Variants in UTP6 observed in about 807,000 individuals in gnomAD.
UTP6 encodes U3 small nucleolar RNA-associated protein 6 homolog.
Under a neutral mutation model 96.5 loss-of-function variants are expected in UTP6, and 60 were observed. The ratio of observed to expected loss-of-function variants is 0.62; its 90% CI spans 0.51 to 0.77. The LOEUF (loss-of-function observed/expected upper bound fraction) is 0.77, where lower values mean the gene tolerates loss of function less well. UTP6 is among the 30% of genes least tolerant of loss of function. The pLI is 0.00. For missense variants in UTP6, 637 were observed against 706.5 expected (o/e 0.90, Z 1.12); for synonymous variants, 215 against 240.1 (o/e 0.90, Z 0.96).
chr17:31,874,103 T>C, intron 14 of UTP6: 1 of 228,214 alleles, frequency 4.4e-6, no homozygotes, highest in South Asian at 6.8e-5. Flanking sequence ...TCATCAATCA[T>C]CTTTTAGTTA....
chr17:31,889,179 C>G (rs556290034), intron 7 of UTP6, 106 bp downstream of exon 7: 9 of 754,442 alleles, frequency 1.2e-5, no homozygotes, highest in South Asian at 2.2e-5. Context: ...CCCAGCTACT[C>G]GGGAGGCTGA....
intron 2 of UTP6, among the ~76,000 whole-genome samples, chr17:31,896,052 T>C (rs2142325155): frequency 6.6e-6 from 1 of 151,276 alleles, no homozygotes; most frequent in South Asian, 2.1e-4. Context: ...ATAATGAATA[T>C]AAAGCAGTCC....
intron 13 of UTP6, 37 bp from the exon 14 acceptor site, chr17:31,875,450 T>C: frequency 6.3e-7 from 1 of 1,599,254 alleles, no homozygotes; most frequent in Non-Finnish European, 8.5e-7. Flanking sequence ...AATTAATTAC[T>C]GAAACCCAAA....
chr17:31,897,975 T>G (rs754920037), intron 2 of UTP6, among the ~76,000 whole-genome samples: 2 of 151,998 alleles, frequency 1.3e-5, no homozygotes, highest in African/African-American at 2.4e-5. Flanking sequence ...TTCTCTACAC[T>G]CATCACATTC....
chr17:31,901,370 A>G, intron 1 of UTP6, 166 bp downstream of exon 1: 2 of 647,562 alleles, frequency 3.1e-6, no homozygotes, highest in Non-Finnish European at 5.4e-6. Context: ...TTACCTTGCA[A>G]CGAATGAAAA....
intron 10 of UTP6, 25 bp downstream of exon 10, chr17:31,884,399 T>G (rs757531585): frequency 1.3e-6 from 2 of 1,555,442 alleles, no homozygotes. Flanking sequence ...ATAGATATAT[T>G]CACCTTTCTA....
rs1410112671 is a variant in UTP6, at chr17:31,860,920, A to G, written c.*2439T>C. On this transcript the variant is annotated 3_prime_UTR_variant, in exon 19 of 19. Transcript: ENST00000261708. ...AGACTCTAATACTCATAGAAATTTA[A>G]TATATAATAAAGGTAACATCACAAA... 1 of 152,140 alleles carries G rather than the reference A, an allele frequency of 6.6e-6. No homozygotes were observed. The highest frequency in any genetic ancestry group is 1.5e-5 in the Non-Finnish European group (1 of 68,032). 9.4% of individuals were successfully genotyped at this position (152,140 alleles called of 1,614,324 possible). A position where few individuals can be genotyped will look rare whatever the true frequency, so the allele number is the denominator to read the frequency against.
intron 4 of UTP6, among the ~76,000 whole-genome samples, chr17:31,893,793 A>C (rs1598117920): frequency 6.6e-6 from 1 of 151,030 alleles, no homozygotes. Flanking sequence ...CTCTCATCCT[A>C]TCTGGCTCTT....
Position 31,886,060 on chromosome 17 carries a change from TC to T in UTP6, c.622del (p.Glu208ArgfsTer23). 1 of 1,611,790 alleles carries T rather than the reference TC, an allele frequency of 6.2e-7. No homozygotes were observed. The highest frequency in any genetic ancestry group is 8.5e-7 in the Non-Finnish European group (1 of 1,179,530). ...GATTTCTTCAGAATAATCAGGATTC[TC>T]CTAAAGAGTGTTATATCAAACGTAA... Reference protein sequence around the residue: ...EEFEKASMDVENPDYSEEILK... With the variant: ...EEFEKASMDVXNPDYSEEILK... On this transcript the variant is annotated frameshift_variant and splice_region_variant, in exon 9 of 19. Transcript: ENST00000261708. LOFTEE classifies it high-confidence loss of function.
chr17:31,868,325 GTTTTTTTT>G (rs33960994), intron 16 of UTP6, among the ~76,000 whole-genome samples: 1 of 90,504 alleles, frequency 1.1e-5, no homozygotes, highest in Admixed American at 1.5e-4. Flanking sequence ...TAGTTTTTTG[GTTTTTTTT>G]TTTTTTTTTT....
chr17:31,877,830 G>A (rs1373751098), intron 13 of UTP6, among the ~76,000 whole-genome samples: 1 of 152,002 alleles, frequency 6.6e-6, no homozygotes, highest in Non-Finnish European at 1.5e-5. Flanking sequence ...AGCTGGGCGT[G>A]GTGGCATGCA....
In UTP6 at chr17:31,880,714, A is replaced by G. The variant is rs1910782568; in HGVS notation, c.826T>C (p.Tyr276His). 6.2e-7 allele frequency: 1 copy of G among 1,614,156 alleles called. No homozygotes were observed. The highest frequency in any genetic ancestry group is 8.5e-7 in the Non-Finnish European group (1 of 1,180,022). Residue 276 changes from tyrosine to histidine, a missense_variant, in exon 11 of 19, where the codon TAT becomes CAT. Coordinates refer to ENST00000261708, the MANE Select transcript of UTP6 (RefSeq NM_018428.3). ...ATCTCTAATTCTCGCCTTGCCACAT[A>G]ATCCCAAGTGAGAGGATCATCTGTG... ...LHTDDPLTWD[Y>H]VARRELEIES...
rs1234905578 is a variant in UTP6 at position 31,894,896 on chromosome 17, C to T, written c.219+74G>A. ...AGTTTTATCAACACTGTCTCCCAAA[C>T]ACAAGTCCTAACTATACAGCCATAC... On this transcript the variant is annotated intron_variant, in intron 3 of 18. Coordinates refer to ENST00000261708, the MANE Select transcript of UTP6 (RefSeq NM_018428.3). 3.6e-6 allele frequency: 5 copies of T among 1,389,744 alleles called. 1 individual carries two copies. In the East Asian group the frequency reaches 1.2e-4, roughly 33 times the overall value. 86.1% of individuals were successfully genotyped at this position (1,389,744 alleles called of 1,614,324 possible).
In UTP6 at chr17:31,861,880, A is replaced by G. The variant is rs1909571815; in HGVS notation, c.*1479T>C. ...CATATCAGTATTCTCTAAAAGCAGT[A>G]TCCTTTGATCCAGTAATTCCACTGT... On this transcript the variant is annotated 3_prime_UTR_variant, in exon 19 of 19. Coordinates refer to ENST00000261708, the MANE Select transcript of UTP6 (RefSeq NM_018428.3). 6.6e-6 allele frequency: 1 copy of G among 152,238 alleles called. No homozygotes were observed. Among genetic ancestry groups the G allele is most frequent in the Admixed American group, 6.5e-5 (1 of 15,276 alleles). 9.4% of individuals were successfully genotyped at this position (152,238 alleles called of 1,614,324 possible). A position where few individuals can be genotyped will look rare whatever the true frequency, so the allele number is the denominator to read the frequency against.
At chr17:31,887,132 GAAAAA>G (rs967334491) in intron 8 of UTP6, 99 bp downstream of exon 8, 17 of 1,060,034 alleles carry the variant, frequency 1.6e-5, no homozygotes, top group Non-Finnish European at 2.2e-5. Flanking sequence ...CAAAAAAAAA[GAAAAA>G]AAAAGAAAAA....
Position 31,876,995 on chromosome 17 carries a change from G to T in UTP6, c.1125+1255C>A, listed in dbSNP as rs576644457. On this transcript the variant is annotated intron_variant, in intron 13 of 18. Transcript: ENST00000261708. ...CCACTACACTCCAGGCTGGGTGACAGAGCAAGACTCTGTCTCCAAAAAAAT... is the reference window on the plus strand; with the variant it reads ...CCACTACACTCCAGGCTGGGTGACATAGCAAGACTCTGTCTCCAAAAAAAT... Among the ~76,000 whole-genome samples the T allele has an allele frequency of 2.0e-4, 31 of 152,284 alleles. No homozygotes were observed. The Middle Eastern group carries it at 0.014, about 67-fold the overall frequency.
intron 13 of UTP6, among the ~76,000 whole-genome samples, chr17:31,875,667 A>G (rs1316719053): frequency 6.6e-6 from 1 of 152,070 alleles, no homozygotes; most frequent in Non-Finnish European, 1.5e-5. Context: ...TACTAAAAAC[A>G]CAAAAATTAG....
At position 31,885,977 on chromosome 17, in the gene UTP6, T is replaced by C; in HGVS notation, c.703+3A>G. 6.2e-7 allele frequency: 1 copy of C among 1,610,256 alleles called. No individual in the cohort carries two copies. Among genetic ancestry groups the C allele is most frequent in the Non-Finnish European group, 8.5e-7 (1 of 1,178,454 alleles). ...CCAAAAATAATGTTCAAAAGATACC[T>C]ACCTTTAATTATGCTTACAGAATTT... On this transcript the variant is annotated splice_donor_region_variant and intron_variant, in intron 9 of 18. Coordinates refer to ENST00000261708, the MANE Select transcript of UTP6 (RefSeq NM_018428.3).
At position 31,901,521 on chromosome 17, in the gene UTP6, C is replaced by T; in HGVS notation, c.92+15G>A. The stretch of plus-strand genomic sequence containing the variant: ...AGGCCGCCTCAGCTCTTCCCTCTCC[C>T]CAACCCTCTCTCACTTAATCTCCGC... On this transcript the variant is annotated intron_variant, in intron 1 of 18. Coordinates refer to ENST00000261708, the MANE Select transcript of UTP6 (RefSeq NM_018428.3). The T allele has an allele frequency of 6.2e-7, 1 of 1,613,600 alleles. No individual in the cohort carries two copies. The highest frequency in any genetic ancestry group is 8.5e-7 in the Non-Finnish European group (1 of 1,179,764).
Sources: allele counts gnomAD v4.1 joint callset (sites outside exome capture counted in the v4.1 genomes callset), GRCh38; gene constraint gnomAD v4.1.1; transcripts MANE v1.5; gene names NCBI Gene and HGNC (gene_info 2026-07-23, HGNC 2026-07-21).